Variants in DPM1 observed in about 807,000 individuals in gnomAD.
The protein encoded by DPM1 is dolichyl-phosphate mannosyltransferase subunit 1, catalytic, also known as dolichol-phosphate mannosyltransferase subunit 1.
In DPM1, 27 loss-of-function variants were observed where a neutral mutation model predicts 39.0. The observed-to-expected ratio is 0.69, with a 90% confidence interval of 0.51 to 0.95. DPM1 has a LOEUF of 0.95. DPM1 is among the 40% of genes least tolerant of loss of function. The pLI, the probability that DPM1 is intolerant of heterozygous loss-of-function variation, is 0.00. For missense variants in DPM1, 307 were observed against 315.6 expected (o/e 0.97, Z 0.21); for synonymous variants, 124 against 109.0 (o/e 1.14, Z -0.86).
At chr20:50,939,574 C>G (rs1985531029) in intron 7 of DPM1, among the ~76,000 whole-genome samples, 2 of 152,028 alleles carry the variant, frequency 1.3e-5, no homozygotes, top group Non-Finnish European at 2.9e-5. Flanking sequence ...TTGTGATTCA[C>G]CTGCCTAGGC....
rs746175388 is a variant in DPM1, at chr20:50,955,141, A to G, written c.261+45T>C. 26 of 1,368,498 alleles carry G rather than the reference A, an allele frequency of 1.9e-5. No homozygotes were observed. The South Asian group carries it at 2.3e-4, about 12-fold the overall frequency. The allele number at this position is 1,368,498 out of a possible 1,614,324, so 84.8% of individuals were successfully genotyped here. ...ATTGTTCATGTCTCATCTTTCCCCT[A>G]CATAATCACAATTCATATCACAGAA... On this transcript the variant is annotated intron_variant, in intron 2 of 8. Transcript: ENST00000371588.
chr20:50,939,179 C>T (rs780810782), intron 7 of DPM1, among the ~76,000 whole-genome samples: 4 of 151,806 alleles, frequency 2.6e-5, no homozygotes, highest in Non-Finnish European at 5.9e-5. Flanking sequence ...CCCCATTCCT[C>T]TCCCTGCTGT....
At position 50,936,229 on chromosome 20, in the gene DPM1, TA is replaced by T; in HGVS notation, c.596del (p.Ile199LysfsTer15). On this transcript the variant is annotated frameshift_variant, in exon 8 of 9. Transcript: ENST00000371588. LOFTEE classifies it high-confidence loss of function. ...LYRKEVLEKLIEKCVSKGYVF... is the reference protein window; with the variant it reads ...LYRKEVLEKLXEKCVSKGYVF... ...CGTAGCCTTTAGAAACACATTTTTC[TA>T]TTAATTTCTCTAGAACTTCTTTTCG... 6.2e-7 allele frequency: 1 copy of T among 1,612,702 alleles called. No homozygotes were observed. The highest frequency in any genetic ancestry group is 8.5e-7 in the Non-Finnish European group (1 of 1,178,986).
intron 6 of DPM1, 84 bp downstream of exon 6, chr20:50,941,947 C>T: frequency 1.7e-6 from 2 of 1,171,508 alleles, no homozygotes; most frequent in African/African-American, 1.5e-5. Context: ...AAATCCCGGG[C>T]AGCATGATAG....
intron 2 of DPM1, among the ~76,000 whole-genome samples, chr20:50,951,283 C>T (rs954699067): frequency 5.3e-5 from 8 of 152,088 alleles, no homozygotes; most frequent in Admixed American, 4.6e-4. Context: ...ATTATGGAGC[C>T]ATTAACAGAA....
At chr20:50,948,732 C>CA in intron 2 of DPM1, 70 bp from the exon 3 acceptor site, 1 of 1,348,304 alleles carries the variant, frequency 7.4e-7, no homozygotes, top group South Asian at 1.2e-5. Context: ...TTATCTTATT[C>CA]AAAAGTGCAT....
chr20:50,940,772 C>A (rs1484056079), intron 7 of DPM1, 93 bp downstream of exon 7: 10 of 1,093,668 alleles, frequency 9.1e-6, no homozygotes, highest in Non-Finnish European at 1.4e-5. Flanking sequence ...AGAATAAAAA[C>A]AAGGTAGAAA....
intron 7 of DPM1, among the ~76,000 whole-genome samples, chr20:50,940,484 G>A (rs1466184642): frequency 6.6e-6 from 1 of 152,194 alleles, no homozygotes; most frequent in Non-Finnish European, 1.5e-5. Flanking sequence ...AGGTAACTGA[G>A]AGAGCTCTAT....
chr20:50,955,708 C>T (rs367941823), intron 1 of DPM1, among the ~76,000 whole-genome samples: 321 of 152,230 alleles, frequency 2.1e-3, no homozygotes, highest in South Asian at 5.2e-3. Flanking sequence ...GGACTACAGG[C>T]GCCCACCACC....
At chr20:50,937,453 G>GTT (rs963746110) in intron 7 of DPM1, among the ~76,000 whole-genome samples, 5 of 147,864 alleles carry the variant, frequency 3.4e-5, no homozygotes, top group East Asian at 3.9e-4. Context: ...TGGGTTTCAG[G>GTT]TTTTTTTTTT....
At position 50,945,614 on chromosome 20, in the gene DPM1, T is replaced by C. The variant is rs1472553082; in HGVS notation, c.398+123A>G. 9 of 1,011,636 alleles carry C rather than the reference T, an allele frequency of 8.9e-6. No individual in the cohort carries two copies. In the African/African-American group the frequency reaches 9.8e-5, roughly 11 times the overall value. The allele number at this position is 1,011,636 out of a possible 1,614,324, so 62.7% of individuals were successfully genotyped here. ...CTACCCTGACTTCCCAAACTTTGTT[T>C]ATATTTTTGATAGAAAAAATAGTAT... On this transcript the variant is annotated intron_variant, in intron 5 of 8. Coordinates refer to ENST00000371588, the MANE Select transcript of DPM1 (RefSeq NM_003859.3).
At chr20:50,943,047 G>A (rs1343503546) in intron 5 of DPM1, among the ~76,000 whole-genome samples, 2 of 152,070 alleles carry the variant, frequency 1.3e-5, no homozygotes, top group Admixed American at 6.5e-5. Flanking sequence ...GTAGTGGCAC[G>A]TGCCTGTATT....
At chr20:50,936,300 A>G in intron 7 of DPM1, 38 bp from the exon 8 acceptor site, 1 of 1,321,426 alleles carries the variant, frequency 7.6e-7, no homozygotes, top group Non-Finnish European at 1.1e-6. Flanking sequence ...CTTCTGGATA[A>G]ATACACATGC....
chr20:50,956,190 G>GT, intron 1 of DPM1, among the ~76,000 whole-genome samples: 1 of 152,146 alleles, frequency 6.6e-6, no homozygotes, highest in East Asian at 1.9e-4. Flanking sequence ...ATTAACATCT[G>GT]TTACTTCCCA....
At chr20:50,937,632 G>T (rs1395895418) in intron 7 of DPM1, among the ~76,000 whole-genome samples, 1 of 151,882 alleles carries the variant, frequency 6.6e-6, no homozygotes, top group Non-Finnish European at 1.5e-5. Flanking sequence ...TGGAGACAAG[G>T]TCTCACTCTG....
intron 1 of DPM1, among the ~76,000 whole-genome samples, chr20:50,957,818 AC>A (rs1398141145): frequency 1.3e-5 from 2 of 151,564 alleles, no homozygotes; most frequent in East Asian, 1.9e-4. Flanking sequence ...AACTCCACCC[AC>A]CCCCCATCCC....
intron 1 of DPM1, among the ~76,000 whole-genome samples, chr20:50,956,325 T>C (rs866925427): frequency 2.0e-5 from 3 of 151,638 alleles, no homozygotes; most frequent in Admixed American, 6.6e-5. Flanking sequence ...TACAAGAGGC[T>C]GGGCGCGGTG....
rs571214904 is a variant in DPM1, at chr20:50,934,932, T to C, written c.*200A>G. The C allele has an allele frequency of 4.1e-6, 2 of 483,128 alleles. No homozygotes were observed. Among genetic ancestry groups the C allele is most frequent in the East Asian group, 3.7e-5 (1 of 27,168 alleles). 29.9% of individuals were successfully genotyped at this position (483,128 alleles called of 1,614,324 possible). On this transcript the variant is annotated 3_prime_UTR_variant, in exon 9 of 9. Transcript: ENST00000371588. ...CAATACAGCAAAATGAAAACGAAAA[T>C]TGAGAACATTGCTCATTAGGCCAGC... is the stretch of plus-strand genomic sequence containing the variant.
chr20:50,958,548 A>G (rs375992702), upstream of DPM1: 3 of 1,612,624 alleles, frequency 1.9e-6, no homozygotes, highest in Non-Finnish European at 2.5e-6. Context: ...AGATGCCGGA[A>G]GCGGAATTAC....
Sources: allele counts gnomAD v4.1 joint callset (sites outside exome capture counted in the v4.1 genomes callset), GRCh38; gene constraint gnomAD v4.1.1; transcripts MANE v1.5; gene names NCBI Gene and HGNC (gene_info 2026-07-23, HGNC 2026-07-21).